Variants in ANK2 observed in about 807,000 individuals in gnomAD.
The protein encoded by ANK2 is ankyrin 2, also known as ankyrin-2.
ANK2 carries 83 observed loss-of-function variants against 360.5 expected under a neutral mutation model. The observed-to-expected ratio is 0.23, with a 90% CI of 0.19 to 0.28. The LOEUF is 0.28. ANK2 is among the 10% of genes least tolerant of loss of function. ANK2 has a pLI of 1.00. For missense variants in ANK2, 4,201 were observed against 4,795.7 expected, an observed-to-expected ratio of 0.88 and a Z score of 3.66; for synonymous variants, 1,740 against 1,759.5, an observed-to-expected ratio of 0.99 and a Z score of 0.28.
chr4:113,247,042 G>A lies in ANK2; in HGVS notation c.892-2722G>A, dbSNP rs563907574. Among the ~76,000 whole-genome samples the A allele has an allele frequency of 6.4e-5, 9 of 139,588 alleles. No individual in the cohort carries two copies. In the East Asian group the frequency reaches 1.9e-3, roughly 30 times the overall value. The allele number at this position is 139,588 out of a possible 152,430, so 91.6% of individuals were successfully genotyped here. A position where few individuals can be genotyped will look rare whatever the true frequency, so the allele number is the denominator to read the frequency against. ...AATGACCTAAGCAGAGAGGGGGGAA[G>A]ATATGAAAAGATAAAGAAACTACAT... is the stretch of plus-strand genomic sequence containing the variant. On this transcript the variant is annotated intron_variant, in intron 9 of 45. Coordinates refer to ENST00000357077, the MANE Select transcript of ANK2 (RefSeq NM_001148.6).
rs549485001 is a variant in ANK2, at chr4:113,164,079, C to A, written c.85-10337C>A. Among the ~76,000 whole-genome samples, 7 of 152,096 alleles carry A rather than the reference C, an allele frequency of 4.6e-5. 1 individual carries two copies. The highest frequency in any genetic ancestry group is 1.7e-4 in the African/African-American group (7 of 41,478). ...TCTATTCTGGACATTTCTTTTATAT[C>A]AACAATAAGCTTAAATAACAGTTTA... On this transcript the variant is annotated intron_variant, in intron 1 of 45. Transcript: ENST00000357077.
intron 8 of ANK2, 86 bp from the exon 9 acceptor site, chr4:113,242,025 A>G: frequency 9.2e-7 from 1 of 1,085,496 alleles, no homozygotes; most frequent in Non-Finnish European, 1.4e-6. Context: ...GTAGGTCACA[A>G]CTTCCTTTGT....
chr4:113,206,476 T>G (rs1399760839), intron 4 of ANK2, among the ~76,000 whole-genome samples: 1 of 152,226 alleles, frequency 6.6e-6, no homozygotes, highest in Non-Finnish European at 1.5e-5. Context: ...AATAAGGGTC[T>G]TGTTTTTTTT....
chr4:112,883,018 C>CTTTTTTTTT (rs536262490), intron 1 of ANK2, among the ~76,000 whole-genome samples: 13 of 30,524 alleles, frequency 4.3e-4, no homozygotes, highest in African/African-American at 1.0e-3. Context: ...CTTGGTTAGT[C>CTTTTTTTTT]TTTTTTTTTT....
At chr4:112,740,162 A>G in the ANK2 span, among the ~76,000 whole-genome samples, 1 of 151,716 alleles carries the variant, frequency 6.6e-6, no homozygotes, top group Non-Finnish European at 1.5e-5. Context: ...AAAAAAAAAG[A>G]GGAAAAGCAG....
intron 4 of ANK2, among the ~76,000 whole-genome samples, chr4:113,204,251 T>A (rs1463821761): frequency 6.6e-6 from 1 of 151,930 alleles, no homozygotes; most frequent in Non-Finnish European, 1.5e-5. Context: ...GTTTATATAA[T>A]GTATATTTTT....
intron 2 of ANK2, among the ~76,000 whole-genome samples, chr4:112,940,122 C>T (rs966095119): frequency 2.6e-5 from 4 of 152,188 alleles, no homozygotes; most frequent in Non-Finnish European, 4.4e-5. Flanking sequence ...TAAACTTCCA[C>T]CATGTCATCT....
Position 113,353,671 on chromosome 4 carries a change from G to A in ANK2, c.5053G>A (p.Asp1685Asn). Reference sequence around the variant, plus strand: ...AAAGGAAGGGAAAGACATACCCCCAGATGAGACACAGAGTACACAGAAACA... The same window carrying A: ...AAAGGAAGGGAAAGACATACCCCCAAATGAGACACAGAGTACACAGAAACA... ...SEKEGKDIPPDETQSTQKQHK... is the reference protein window; with the variant it reads ...SEKEGKDIPPNETQSTQKQHK... Residue 1685 changes from aspartate (D) to asparagine (N), a missense_variant, in exon 38 of 46, where the codon GAT (aspartate) becomes AAT (asparagine). Coordinates refer to ENST00000357077, the MANE Select transcript of ANK2 (RefSeq NM_001148.6). 1 of 1,614,026 alleles carries A rather than the reference G, an allele frequency of 6.2e-7. No individual in the cohort carries two copies. The highest frequency in any genetic ancestry group is 8.5e-7 in the Non-Finnish European group (1 of 1,179,978).
At chr4:112,880,058 A>ACG (rs1466546329) in intron 1 of ANK2, among the ~76,000 whole-genome samples, 9 of 145,650 alleles carry the variant, frequency 6.2e-5, no homozygotes, top group Non-Finnish European at 1.4e-4. Context: ...TCACACACAC[A>ACG]CACACTCTCT....
At chr4:113,351,510 A>G (rs563210363) in intron 37 of ANK2, among the ~76,000 whole-genome samples, 1 of 152,288 alleles carries the variant, frequency 6.6e-6, no homozygotes, top group African/African-American at 2.4e-5. Flanking sequence ...TATCTTCTCA[A>G]CAAATACAGA....
Position 113,381,525 on chromosome 4 carries a change from A to G in ANK2, c.*54A>G, listed in dbSNP as rs751667239. The stretch of plus-strand genomic sequence containing the variant: ...AAGGACCAGCATGGAAAACGCATTG[A>G]CTTGGAGCACCTGGAGGATGTACCA... On this transcript the variant is annotated 3_prime_UTR_variant, in exon 46 of 46. Transcript: ENST00000357077. The G allele has an allele frequency of 3.1e-6, 5 of 1,613,862 alleles. No individual in the cohort carries two copies. Among genetic ancestry groups the G allele is most frequent in the East Asian group, 4.5e-5 (2 of 44,848 alleles).
chr4:113,262,055 C>CATAA (rs1441684708), intron 13 of ANK2, among the ~76,000 whole-genome samples: 3 of 152,002 alleles, frequency 2.0e-5, no homozygotes, highest in East Asian at 1.9e-4. Flanking sequence ...TTTGTCTCTA[C>CATAA]ATAAATAAAT....
chr4:112,749,319 A>G, the ANK2 span, among the ~76,000 whole-genome samples: 2 of 152,226 alleles, frequency 1.3e-5, no homozygotes, highest in Admixed American at 6.5e-5. Context: ...TATGGGAGGA[A>G]AAGCCTGAGT....
chr4:113,193,541 T>A (rs1195491257), intron 2 of ANK2, among the ~76,000 whole-genome samples: 1 of 152,220 alleles, frequency 6.6e-6, no homozygotes, highest in East Asian at 1.9e-4. Context: ...TCATTTTCAT[T>A]TTTAATTGGA....
intron 1 of ANK2, among the ~76,000 whole-genome samples, chr4:113,098,715 A>G (rs6850896): frequency 0.82 from 124,406 of 151,854 alleles, 51,542 homozygotes; most frequent in African/African-American, 0.95. Flanking sequence ...TCTAAAACCC[A>G]ATAAAGACAG....
chr4:112,910,522 C>CT (rs923429225), intron 2 of ANK2, among the ~76,000 whole-genome samples: 2 of 152,176 alleles, frequency 1.3e-5, no homozygotes, highest in African/African-American at 4.8e-5. Flanking sequence ...AACCTAATAT[C>CT]TGTAAAGGGG....
intron 2 of ANK2, among the ~76,000 whole-genome samples, chr4:113,192,191 C>T (rs1307345070): frequency 6.6e-6 from 1 of 152,140 alleles, no homozygotes; most frequent in African/African-American, 2.4e-5. Context: ...TCCAACAAAA[C>T]CATTTCTAAA....
At chr4:112,771,534 G>T in the ANK2 span, among the ~76,000 whole-genome samples, 1 of 151,930 alleles carries the variant, frequency 6.6e-6, no homozygotes, top group East Asian at 1.9e-4. Flanking sequence ...GGAGGTCATG[G>T]AGAAATATAA....
At chr4:112,862,076 A>G (rs1309857255) in intron 1 of ANK2, among the ~76,000 whole-genome samples, 1 of 152,230 alleles carries the variant, frequency 6.6e-6, no homozygotes, top group Non-Finnish European at 1.5e-5. Flanking sequence ...AATTGTGAAG[A>G]TAGTAGTACC....
Sources: gnomAD v4.1 joint callset for allele counts (sites outside exome capture counted in the v4.1 genomes callset) on GRCh38, gnomAD v4.1.1 for gene constraint, MANE v1.5 for transcripts, NCBI Gene and HGNC (gene_info 2026-07-23, HGNC 2026-07-21) for gene names.